Variants in CDKL3 observed in about 807,000 individuals in gnomAD.
CDKL3 encodes cyclin-dependent kinase-like 3.
In CDKL3, 65 loss-of-function variants were observed where a neutral mutation model predicts 69.3. That is an observed-to-expected ratio of 0.94 (90% CI 0.77 to 1.15). The LOEUF is 1.15. Ranked by LOEUF, CDKL3 falls within the 50% of genes most tolerant of loss-of-function variation. CDKL3 has a pLI of 0.00. For synonymous variants in CDKL3, 202 were observed against 221.6 expected (o/e 0.91, Z 0.79); for missense variants, 652 against 689.2 (o/e 0.95, Z 0.61).
intron 4 of CDKL3, among the ~76,000 whole-genome samples, chr5:134,325,436 G>A (rs1184888304): frequency 6.6e-6 from 1 of 152,170 alleles, no homozygotes. Flanking sequence ...ATGAATATTA[G>A]TAAGTTTTAG....
chr5:134,326,815 GTGTATATATATATATATATATA>G (rs1402345263), intron 4 of CDKL3, among the ~76,000 whole-genome samples: 54 of 81,516 alleles, frequency 6.6e-4, no homozygotes, highest in Middle Eastern at 5.3e-3. Context: ...ATATATGTGT[GTGTATATATATATATATATATA>G]TATATATATA....
chr5:134,362,198 G>A (rs566254535), intron 2 of CDKL3, among the ~76,000 whole-genome samples: 1 of 152,104 alleles, frequency 6.6e-6, no homozygotes, highest in African/African-American at 2.4e-5. Flanking sequence ...TACTCTAACT[G>A]TAATTTATTT....
intron 5 of CDKL3, among the ~76,000 whole-genome samples, chr5:134,321,061 T>G (rs1334554791): frequency 1.4e-5 from 2 of 141,700 alleles, no homozygotes; most frequent in African/African-American, 2.7e-5. Context: ...CAGGCTGGAG[T>G]GCAGTGGCGT....
At chr5:134,300,645 C>T (rs1766080567) in intron 12 of CDKL3, among the ~76,000 whole-genome samples, 1 of 152,176 alleles carries the variant, frequency 6.6e-6, no homozygotes, top group African/African-American at 2.4e-5. Context: ...ATAATCAACA[C>T]TGATGACTTC....
At chr5:134,305,083 C>T (rs1767433019) in intron 10 of CDKL3, among the ~76,000 whole-genome samples, 1 of 151,710 alleles carries the variant, frequency 6.6e-6, no homozygotes, top group Admixed American at 6.6e-5. Flanking sequence ...GCTGGGATTA[C>T]AAACATGAGC....
chr5:134,353,669 A>G (rs562514401), intron 3 of CDKL3, among the ~76,000 whole-genome samples: 7 of 151,184 alleles, frequency 4.6e-5, no homozygotes, highest in Non-Finnish European at 1.0e-4. Flanking sequence ...CTCCTGCCTC[A>G]GTCTCCTGAG....
chr5:134,334,346 T>C (rs1776535908), intron 4 of CDKL3, among the ~76,000 whole-genome samples: 1 of 152,200 alleles, frequency 6.6e-6, no homozygotes, highest in Non-Finnish European at 1.5e-5. Flanking sequence ...TGCCTTCTGC[T>C]AGCTTTTGAA....
intron 4 of CDKL3, among the ~76,000 whole-genome samples, chr5:134,335,525 C>CA (rs1464155189): frequency 6.6e-6 from 1 of 152,066 alleles, no homozygotes; most frequent in Non-Finnish European, 1.5e-5. Flanking sequence ...CTGGTGGTGA[C>CA]AAAATCTCTC....
intron 3 of CDKL3, among the ~76,000 whole-genome samples, chr5:134,353,121 G>C (rs1255554926): frequency 6.6e-6 from 1 of 152,000 alleles, no homozygotes; most frequent in African/African-American, 2.4e-5. Context: ...TATAGCTTTA[G>C]TAACTGTCCA....
intron 3 of CDKL3, among the ~76,000 whole-genome samples, chr5:134,357,321 G>A (rs1205013629): frequency 1.3e-5 from 2 of 152,040 alleles, no homozygotes; most frequent in Non-Finnish European, 1.5e-5. Context: ...GCACGCACCT[G>A]TAAACCCAGT....
upstream of CDKL3, chr5:134,371,377 C>T: frequency 1.5e-6 from 1 of 662,742 alleles, no homozygotes; most frequent in Non-Finnish European, 2.5e-6. Flanking sequence ...GCGTCCCGCC[C>T]CCTCCTCCCC....
intron 6 of CDKL3, among the ~76,000 whole-genome samples, chr5:134,316,853 A>T (rs1207262997): frequency 6.6e-6 from 1 of 152,088 alleles, no homozygotes; most frequent in African/African-American, 2.4e-5. Flanking sequence ...TAAAAGCATA[A>T]ATTTCTATGC....
intron 4 of CDKL3, among the ~76,000 whole-genome samples, chr5:134,338,850 C>T (rs775690816): frequency 1.9e-4 from 29 of 152,048 alleles, no homozygotes; most frequent in East Asian, 9.6e-4. Context: ...ATTACAACTA[C>T]GTCAATAATA....
At chr5:134,301,480 TACAG>T (rs894379631) in intron 12 of CDKL3, among the ~76,000 whole-genome samples, 1 of 152,196 alleles carries the variant, frequency 6.6e-6, no homozygotes, top group African/African-American at 2.4e-5. Context: ...AATGCCTTCT[TACAG>T]AGTTTCAGAT....
intron 6 of CDKL3, among the ~76,000 whole-genome samples, chr5:134,315,757 C>T (rs1580906490): frequency 6.6e-6 from 1 of 152,014 alleles, no homozygotes; most frequent in South Asian, 2.1e-4. Context: ...GAGGCTGAGG[C>T]GGGAGGATTG....
downstream of CDKL3, among the ~76,000 whole-genome samples, chr5:134,284,746 A>G (rs1373945299): frequency 6.6e-6 from 1 of 152,186 alleles, no homozygotes; most frequent in Non-Finnish European, 1.5e-5. Context: ...TGGGAAAAGA[A>G]TTAAGCAATA....
At chr5:134,342,548 C>T (rs1351290703) in intron 4 of CDKL3, among the ~76,000 whole-genome samples, 2 of 150,620 alleles carry the variant, frequency 1.3e-5, no homozygotes, top group Non-Finnish European at 1.5e-5. Context: ...TGCAGTGAGC[C>T]GAGATTGTGC....
chr5:134,290,577 G>C (rs766084079), intron 8 of CDKL3, among the ~76,000 whole-genome samples: 1 of 152,164 alleles, frequency 6.6e-6, no homozygotes, highest in Non-Finnish European at 1.5e-5. Context: ...TGGTGTCAAA[G>C]AAGGGGAGAG....
chr5:134,296,952 C>CTTT (rs111349325), downstream of CDKL3, among the ~76,000 whole-genome samples: 1 of 131,300 alleles, frequency 7.6e-6, no homozygotes, highest in Non-Finnish European at 1.6e-5. Flanking sequence ...CTTTTCTTTT[C>CTTT]TTTTTTTTTT....
Sources: gnomAD v4.1 joint callset for allele counts (sites outside exome capture counted in the v4.1 genomes callset) on GRCh38, gnomAD v4.1.1 for gene constraint, MANE v1.5 for transcripts, NCBI Gene and HGNC (gene_info 2026-07-23, HGNC 2026-07-21) for gene names.